GSS: variants seen among roughly 807,000 people sequenced by gnomAD.
GSS encodes the protein glutathione synthetase.
GSS carries 34 observed loss-of-function variants against 60.4 expected under a neutral mutation model. The observed-to-expected ratio is 0.56, with a 90% CI of 0.43 to 0.75. The LOEUF is 0.75. Ranked by LOEUF, GSS falls within the 30% of genes least tolerant of loss-of-function variation. The pLI, the probability that GSS is intolerant of heterozygous loss-of-function variation, is 0.00. For missense variants in GSS, 499 were observed against 595.1 expected, an observed-to-expected ratio of 0.84 and a Z score of 1.68; for synonymous variants, 224 against 239.0, an observed-to-expected ratio of 0.94 and a Z score of 0.58.
rs1201873930 is a variant in GSS, at chr20:34,944,608, C to T, written c.275+1345G>A. ...AATTACAGGTTGGATATCCCTTATC[C>T]GAAATGCTTGGGACCAGAAGTCTTT... On this transcript the variant is annotated intron_variant, in intron 3 of 12. Coordinates refer to ENST00000651619, the MANE Select transcript of GSS (RefSeq NM_000178.4). 3.3e-5 allele frequency among the ~76,000 whole-genome samples: 5 copies of T among 152,240 alleles called. No homozygotes were observed. In the East Asian group the frequency reaches 9.6e-4, roughly 29 times the overall value.
chr20:34,929,872 G>C (rs1256943752), intron 11 of GSS, among the ~76,000 whole-genome samples: 12 of 152,136 alleles, frequency 7.9e-5, no homozygotes, highest in African/African-American at 2.9e-4. Flanking sequence ...CTTAAATGCT[G>C]GGGTCCCAGG....
intron 3 of GSS, among the ~76,000 whole-genome samples, chr20:34,945,384 A>G (rs566250255): frequency 4.1e-4 from 16 of 39,226 alleles, no homozygotes; most frequent in African/African-American, 3.1e-3. Flanking sequence ...GAATCTGAAG[A>G]AAAAAAAAAA....
rs1600392907 is a variant in GSS, at chr20:34,951,794, C to T, written c.59G>A (p.Arg20Gln). 7 of 1,614,026 alleles carry T rather than the reference C, an allele frequency of 4.3e-6. No individual in the cohort carries two copies. In the South Asian group the frequency reaches 7.7e-5, roughly 18 times the overall value. The stretch of plus-strand genomic sequence containing the variant: ...AGCCAGGGCCCGGTCCACGGCCTGC[C>T]GTGCCAGCTCCTCTAGCTGCTGTTT... ...QDKQQLEELARQAVDRALAEG... is the reference protein window; with the variant it reads ...QDKQQLEELAQQAVDRALAEG... The change falls in exon 2 of 13, where the codon CGG (arginine) becomes CAG (glutamine). Residue 20 changes from arginine (R) to glutamine (Q), a missense_variant. By Grantham distance (43) the Arg-to-Gln change is conservative (BLOSUM62 1). Coordinates refer to ENST00000651619, the MANE Select transcript of GSS (RefSeq NM_000178.4).
intron 2 of GSS, among the ~76,000 whole-genome samples, chr20:34,947,605 CAT>C (rs1437453936): frequency 6.6e-6 from 1 of 152,124 alleles, no homozygotes; most frequent in Non-Finnish European, 1.5e-5. Context: ...TATGTATACA[CAT>C]ATATTTTCTC....
intron 5 of GSS, among the ~76,000 whole-genome samples, chr20:34,942,231 T>C (rs2081488745): frequency 6.6e-6 from 1 of 152,154 alleles, no homozygotes; most frequent in South Asian, 2.1e-4. Context: ...TTCCTCTCTC[T>C]GGGGCTCTCA....
intron 2 of GSS, among the ~76,000 whole-genome samples, chr20:34,948,963 G>GGAAA (rs1360933426): frequency 9.2e-5 from 14 of 152,144 alleles, no homozygotes; most frequent in Non-Finnish European, 1.8e-4. Flanking sequence ...TTGCCATGCA[G>GGAAA]GAAAGTAGGC....
rs2081540091 is a variant in GSS at position 34,948,449 on chromosome 20, G to C, written c.130-2351C>G. On this transcript the variant is annotated intron_variant, in intron 2 of 12. Coordinates refer to ENST00000651619, the MANE Select transcript of GSS (RefSeq NM_000178.4). ...CTCTGCTATCTACAGGCTAAAGGCTGAAACACACAGTCTTCTCACTTTTGA... is the reference window on the plus strand; with the variant it reads ...CTCTGCTATCTACAGGCTAAAGGCTCAAACACACAGTCTTCTCACTTTTGA... Among the ~76,000 whole-genome samples the C allele has an allele frequency of 2.0e-5, 3 of 152,114 alleles. No homozygotes were observed. In the South Asian group the frequency reaches 6.2e-4, roughly 31 times the overall value.
intron 8 of GSS, 57 bp from the exon 9 acceptor site, chr20:34,935,699 G>A (rs934598003): frequency 3.8e-6 from 5 of 1,328,168 alleles, no homozygotes; most frequent in African/African-American, 1.4e-5. Context: ...TTGTTCAGTG[G>A]TTCAATCTAT....
At chr20:34,929,359 T>G (rs1485009830) in intron 12 of GSS, 42 bp downstream of exon 12, 1 of 1,540,240 alleles carries the variant, frequency 6.5e-7, no homozygotes, top group South Asian at 1.1e-5. Flanking sequence ...GCTGGCACTC[T>G]TGCAAGCAGG....
At chr20:34,934,038 G>C (rs1377401663) in intron 9 of GSS, 1 of 151,800 alleles carries the variant, frequency 6.6e-6, no homozygotes, top group East Asian at 2.0e-4. Context: ...TTAGCTGGGT[G>C]TGGTGGTGGG....
intron 2 of GSS, among the ~76,000 whole-genome samples, chr20:34,949,098 T>C (rs2081545663): frequency 6.6e-6 from 1 of 152,192 alleles, no homozygotes; most frequent in Non-Finnish European, 1.5e-5. Flanking sequence ...TGAAAACAAC[T>C]GTTAACAATG....
Position 34,929,591 on chromosome 20 carries a change from C to T in GSS, c.1112-1G>A, listed in dbSNP as rs1006596443. ...ATTTCCTCCCCATATAGGTTGTTAC[C>T]TGCAATGAAACTGGCCAGTCACCCT... is the stretch of plus-strand genomic sequence containing the variant. On this transcript the variant is annotated splice_acceptor_variant, in intron 11 of 12. Coordinates refer to ENST00000651619, the MANE Select transcript of GSS (RefSeq NM_000178.4). LOFTEE classifies it high-confidence loss of function. The T allele has an allele frequency of 6.2e-7, 1 of 1,613,596 alleles. No homozygotes were observed. Among genetic ancestry groups the T allele is most frequent in the Non-Finnish European group, 8.5e-7 (1 of 1,179,658 alleles).
intron 2 of GSS, among the ~76,000 whole-genome samples, chr20:34,950,382 T>C (rs2081559140): frequency 6.6e-6 from 1 of 151,690 alleles, no homozygotes; most frequent in Non-Finnish European, 1.5e-5. Flanking sequence ...CAAAAAAGAA[T>C]GGGTCTGGCT....
In GSS at chr20:34,955,782, T is replaced by A. The variant is rs2147142091; in HGVS notation, c.-64A>T. 6.6e-6 allele frequency: 1 copy of A among 152,314 alleles called. No homozygotes were observed. The highest frequency in any genetic ancestry group is 1.9e-4 in the East Asian group (1 of 5,174). 9.4% of individuals were successfully genotyped at this position (152,314 alleles called of 1,614,324 possible). A position where few individuals can be genotyped will look rare whatever the true frequency, so the allele number is the denominator to read the frequency against. Reference sequence around the variant, plus strand: ...CCGGCCCTCGCGCCGCTACCCAGGCTCAGGGGGCGGGGCCTCGATGCGACC... The same window carrying A: ...CCGGCCCTCGCGCCGCTACCCAGGCACAGGGGGCGGGGCCTCGATGCGACC... On this transcript the variant is annotated 5_prime_UTR_variant, in exon 1 of 13. Coordinates refer to ENST00000651619, the MANE Select transcript of GSS (RefSeq NM_000178.4).
chr20:34,928,798 G>C lies in GSS; in HGVS notation c.*30C>G. 6.2e-7 allele frequency: 1 copy of C among 1,613,576 alleles called. No individual in the cohort carries two copies. Among genetic ancestry groups the C allele is most frequent in the Non-Finnish European group, 8.5e-7 (1 of 1,179,564 alleles). ...TAGGAGAGGAATGACAAATACAGAG[G>C]ATAGAAGGTCCCGTGGCCTGGTTGT... On this transcript the variant is annotated 3_prime_UTR_variant, in exon 13 of 13. Transcript: ENST00000651619.
At chr20:34,938,765 G>A (rs1600383437) in intron 6 of GSS, among the ~76,000 whole-genome samples, 1 of 152,342 alleles carries the variant, frequency 6.6e-6, no homozygotes, top group East Asian at 1.9e-4. Context: ...TCAGTTCTGA[G>A]CAGTTCTCAG....
At position 34,951,688 on chromosome 20, in the gene GSS, C is replaced by A. The variant is rs201371621; in HGVS notation, c.129+36G>T. The A allele has an allele frequency of 7.1e-5, 112 of 1,584,146 alleles. 2 individuals carry two copies. In the East Asian group the frequency reaches 1.7e-3, roughly 25 times the overall value. On this transcript the variant is annotated intron_variant, in intron 2 of 12. Transcript: ENST00000651619. ...GCCTGGCCGGGGCCAGACAGTGGGCCATGGTGAATGCTGTGGGGAGGAGCT... is the reference window on the plus strand; with the variant it reads ...GCCTGGCCGGGGCCAGACAGTGGGCAATGGTGAATGCTGTGGGGAGGAGCT...
chr20:34,941,153 G>A (rs1376873603), intron 6 of GSS, among the ~76,000 whole-genome samples: 1 of 152,100 alleles, frequency 6.6e-6, no homozygotes, highest in East Asian at 1.9e-4. Flanking sequence ...TCAGGAGTTC[G>A]AGACCAGCAT....
At chr20:34,940,854 G>A (rs2081476786) in intron 6 of GSS, among the ~76,000 whole-genome samples, 2 of 152,100 alleles carry the variant, frequency 1.3e-5, no homozygotes, top group African/African-American at 2.4e-5. Flanking sequence ...ATAAAATTTC[G>A]TAGTCAAAGC....
Sources: allele counts gnomAD v4.1 joint callset (sites outside exome capture counted in the v4.1 genomes callset), GRCh38; gene constraint gnomAD v4.1.1; transcripts MANE v1.5; gene names NCBI Gene and HGNC (gene_info 2026-07-23, HGNC 2026-07-21).